NKAIN3: variants seen among roughly 807,000 people sequenced by gnomAD.
NKAIN3 encodes sodium/potassium transporting ATPase interacting 3, also known as sodium/potassium-transporting ATPase subunit beta-1-interacting protein 3.
In NKAIN3, 25 loss-of-function variants were observed where a neutral mutation model predicts 30.2. That is an observed-to-expected ratio of 0.83 (90% confidence interval 0.60 to 1.16). The LOEUF (loss-of-function observed/expected upper bound fraction) is 1.16, where lower values mean the gene tolerates loss of function less well. Among genes scored for constraint, NKAIN3 ranks in the 50% most tolerant of loss-of-function variants. NKAIN3 has a pLI of 0.00. For synonymous variants in NKAIN3, 91 were observed against 89.6 expected (o/e 1.02, Z -0.09); for missense variants, 225 against 254.1 (o/e 0.89, Z 0.78).
At chr8:62,428,918 G>A (rs1023030455) in intron 1 of NKAIN3, among the ~76,000 whole-genome samples, 2 of 151,810 alleles carry the variant, frequency 1.3e-5, no homozygotes, top group African/African-American at 4.8e-5. Flanking sequence ...CAATGATCTG[G>A]AGCATTTGTT....
chr8:62,964,546 G>GTGTT (rs1823652373), intron 6 of NKAIN3, among the ~76,000 whole-genome samples: 1 of 111,976 alleles, frequency 8.9e-6, no homozygotes, highest in African/African-American at 3.3e-5. Context: ...GAGTGTGTGT[G>GTGTT]TGTGTGTGTG....
At chr8:62,841,545 A>T (rs945977842) in intron 4 of NKAIN3, among the ~76,000 whole-genome samples, 3 of 152,118 alleles carry the variant, frequency 2.0e-5, no homozygotes, top group African/African-American at 7.2e-5. Flanking sequence ...AATCTTTTTT[A>T]GATTTCACAT....
intron 1 of NKAIN3, among the ~76,000 whole-genome samples, chr8:62,517,613 C>A (rs1481640339): frequency 6.6e-6 from 1 of 152,062 alleles, no homozygotes; most frequent in Admixed American, 6.6e-5. Flanking sequence ...TTTAATCCCC[C>A]CAAGAAGAAT....
chr8:62,941,801 A>G (rs1822962105), intron 5 of NKAIN3, among the ~76,000 whole-genome samples: 1 of 152,152 alleles, frequency 6.6e-6, no homozygotes, highest in East Asian at 1.9e-4. Context: ...CCCACAGCCA[A>G]CACTATACTT....
intron 4 of NKAIN3, among the ~76,000 whole-genome samples, chr8:62,830,434 A>G (rs560633475): frequency 6.6e-6 from 1 of 152,324 alleles, no homozygotes; most frequent in African/African-American, 2.4e-5. Flanking sequence ...GCATTAACCA[A>G]GGGACTGAAT....
chr8:62,407,196 A>G (rs980979841), intron 1 of NKAIN3, among the ~76,000 whole-genome samples: 1 of 151,946 alleles, frequency 6.6e-6, no homozygotes, highest in Non-Finnish European at 1.5e-5. Flanking sequence ...AGAGATAAAC[A>G]TATTAATATT....
intron 4 of NKAIN3, among the ~76,000 whole-genome samples, chr8:62,916,270 T>C (rs1822100577): frequency 1.3e-5 from 2 of 152,188 alleles, no homozygotes; most frequent in South Asian, 4.1e-4. Context: ...TAATAGAACA[T>C]TAATACATAG....
chr8:62,483,836 G>A (rs1806812159), intron 1 of NKAIN3: 1 of 199,272 alleles, frequency 5.0e-6, no homozygotes, highest in Non-Finnish European at 1.0e-5. Flanking sequence ...CTAGGATCCA[G>A]CTTCTTAATC....
At chr8:62,768,329 C>A (rs1329274975) in intron 4 of NKAIN3, among the ~76,000 whole-genome samples, 1 of 152,168 alleles carries the variant, frequency 6.6e-6, no homozygotes, top group Admixed American at 6.5e-5. Flanking sequence ...ACATCACAGA[C>A]ATTTTTGACT....
intron 4 of NKAIN3, among the ~76,000 whole-genome samples, chr8:62,760,270 T>C (rs1265921998): frequency 2.0e-5 from 3 of 152,140 alleles, no homozygotes; most frequent in Non-Finnish European, 4.4e-5. Context: ...GCAATCCCAT[T>C]ACTGGGTATA....
intron 1 of NKAIN3, among the ~76,000 whole-genome samples, chr8:62,398,887 C>G (rs1247864313): frequency 6.6e-6 from 1 of 152,102 alleles, no homozygotes; most frequent in African/African-American, 2.4e-5. Context: ...GTCAGGAGAT[C>G]GAGACCATCC....
intron 5 of NKAIN3, among the ~76,000 whole-genome samples, chr8:62,935,479 T>A (rs1009307507): frequency 1.3e-5 from 2 of 151,630 alleles, no homozygotes; most frequent in Non-Finnish European, 2.9e-5. Context: ...TAAACTACAA[T>A]TTTTTTTTCC....
intron 1 of NKAIN3, among the ~76,000 whole-genome samples, chr8:62,264,581 T>G (rs1272040165): frequency 1.3e-5 from 2 of 152,150 alleles, no homozygotes; most frequent in Non-Finnish European, 2.9e-5. Flanking sequence ...TTCTACCCTA[T>G]GTTATTGGTC....
At chr8:62,365,030 T>C (rs891376711) in intron 1 of NKAIN3, among the ~76,000 whole-genome samples, 1 of 152,126 alleles carries the variant, frequency 6.6e-6, no homozygotes, top group Admixed American at 6.5e-5. Flanking sequence ...AGCAACTGAT[T>C]TGTAATTTTC....
At chr8:62,418,552 A>G (rs971776252) in intron 1 of NKAIN3, among the ~76,000 whole-genome samples, 2 of 152,118 alleles carry the variant, frequency 1.3e-5, no homozygotes, top group South Asian at 4.1e-4. Flanking sequence ...CCTTTCTACC[A>G]CCCAGTCTAG....
At chr8:62,950,694 G>A (rs1028840839) in intron 5 of NKAIN3, among the ~76,000 whole-genome samples, 1 of 152,184 alleles carries the variant, frequency 6.6e-6, no homozygotes, top group African/African-American at 2.4e-5. Flanking sequence ...CATAGAAGGT[G>A]TGGCTGATTT....
At chr8:62,336,148 T>C (rs1048282213) in intron 1 of NKAIN3, among the ~76,000 whole-genome samples, 2 of 152,090 alleles carry the variant, frequency 1.3e-5, no homozygotes, top group African/African-American at 4.8e-5. Context: ...TGCAAGTCTA[T>C]TGCTGGGAGA....
intron 4 of NKAIN3, chr8:62,864,183 G>A: frequency 3.1e-6 from 2 of 645,018 alleles, no homozygotes; most frequent in East Asian, 2.7e-5. Flanking sequence ...AACCGACCGG[G>A]AGGAGGCTCT....
At chr8:62,296,964 C>T (rs906219442) in intron 1 of NKAIN3, among the ~76,000 whole-genome samples, 7 of 152,164 alleles carry the variant, frequency 4.6e-5, no homozygotes, top group African/African-American at 1.7e-4. Context: ...CATTCTTTCT[C>T]ATTGTTCTTT....
Sources: allele counts gnomAD v4.1 joint callset (sites outside exome capture counted in the v4.1 genomes callset), GRCh38; gene constraint gnomAD v4.1.1; transcripts MANE v1.5; gene names NCBI Gene and HGNC (gene_info 2026-07-23, HGNC 2026-07-21).